PGBD5: variants seen among roughly 807,000 people sequenced by gnomAD.
PGBD5 encodes piggyBac transposable element derived 5.
In PGBD5, 14 loss-of-function variants were observed where a neutral mutation model predicts 47.9. The ratio of observed to expected loss-of-function variants is 0.29; its 90% CI spans 0.19 to 0.46. The LOEUF is 0.46. PGBD5 is among the 20% of genes least tolerant of loss of function. The pLI, the probability that PGBD5 is intolerant of heterozygous loss-of-function variation, is 1.00. For synonymous variants in PGBD5, 316 were observed against 306.3 expected (o/e 1.03, Z -0.33); for missense variants, 635 against 716.0 (o/e 0.89, Z 1.29).
rs1211461850 is a variant in PGBD5 at position 230,335,624 on chromosome 1, TACACAC to T, written c.1075+1478_1075+1483del. ...ATACAGACACAGACACACACACAGGTACACACACAGACACAAACACAGACGCACAAA... is the reference window on the plus strand; with the variant it reads ...ATACAGACACAGACACACACACAGGTACAGACACAAACACAGACGCACAAA... On this transcript the variant is annotated intron_variant, in intron 4 of 6. Coordinates refer to ENST00000391860, the MANE Select transcript of PGBD5 (RefSeq NM_001258311.2). Among the ~76,000 whole-genome samples the T allele has an allele frequency of 1.5e-3, 105 of 69,612 alleles. 5 individuals are homozygous for T. Among genetic ancestry groups the T allele is most frequent in the African/African-American group, 4.6e-3 (103 of 22,484 alleles). The allele number at this position is 69,612 out of a possible 152,430, so 45.7% of individuals were successfully genotyped here.
intron 3 of PGBD5, among the ~76,000 whole-genome samples, chr1:230,341,075 A>G (rs1211294677): frequency 2.0e-5 from 3 of 152,220 alleles, no homozygotes; most frequent in African/African-American, 7.2e-5. Flanking sequence ...GCAGCCAAGA[A>G]GTGGCACCAA....
intron 1 of PGBD5, among the ~76,000 whole-genome samples, chr1:230,376,458 T>C (rs994882667): frequency 6.6e-6 from 1 of 152,138 alleles, no homozygotes; most frequent in African/African-American, 2.4e-5. Flanking sequence ...CTGAGTGGAT[T>C]CTGGCACCAA....
chr1:230,387,339 C>T (rs1416988504), intron 1 of PGBD5, among the ~76,000 whole-genome samples: 1 of 152,204 alleles, frequency 6.6e-6, no homozygotes, highest in Non-Finnish European at 1.5e-5. Flanking sequence ...TCTCCTGACC[C>T]TGATTCAATT....
chr1:230,367,880 A>G (rs1003783724), intron 1 of PGBD5: 30 of 1,302,560 alleles, frequency 2.3e-5, no homozygotes, highest in African/African-American at 6.1e-5. Flanking sequence ...CAGGGCTACC[A>G]GACTCCCGCT....
chr1:230,377,038 T>C (rs7544508), intron 1 of PGBD5, among the ~76,000 whole-genome samples: 12,669 of 152,182 alleles, frequency 0.083, 1,752 homozygotes, highest in African/African-American at 0.29. Context: ...AGGGCACTTC[T>C]CTGGGCATAG....
At position 230,371,207 on chromosome 1, in the gene PGBD5, T is replaced by A. The variant is rs971810001; in HGVS notation, c.332-13886A>T. On this transcript the variant is annotated intron_variant, in intron 1 of 6. Transcript: ENST00000391860. ...CAAAAGCTATTCTAATTTTGCCCCA[T>A]CTTATGGCAATTCTATTTTTTTTCT... Among the ~76,000 whole-genome samples, 48 of 152,188 alleles carry A rather than the reference T, an allele frequency of 3.2e-4. 1 individual carries two copies. The highest frequency in any genetic ancestry group is 1.2e-3 in the African/African-American group (48 of 41,446).
intron 2 of PGBD5, among the ~76,000 whole-genome samples, chr1:230,355,738 C>T (rs1667629682): frequency 6.6e-6 from 1 of 152,158 alleles, no homozygotes; most frequent in Admixed American, 6.5e-5. Context: ...CTTACACTGG[C>T]CCTGGAGACT....
intron 1 of PGBD5, among the ~76,000 whole-genome samples, chr1:230,375,346 CA>C (rs1308249327): frequency 2.0e-5 from 3 of 152,172 alleles, no homozygotes; most frequent in African/African-American, 7.2e-5. Context: ...AAAACACAAG[CA>C]AGGTCCCTGA....
chr1:230,423,961 C>T (rs975089766), intron 1 of PGBD5, among the ~76,000 whole-genome samples: 3 of 152,190 alleles, frequency 2.0e-5, no homozygotes, highest in African/African-American at 7.2e-5. Flanking sequence ...TTCAAGGTTA[C>T]TAAGAAATAT....
At chr1:230,370,691 T>G (rs1425096526) in intron 1 of PGBD5, among the ~76,000 whole-genome samples, 1 of 152,234 alleles carries the variant, frequency 6.6e-6, no homozygotes, top group African/African-American at 2.4e-5. Context: ...ATAGCCCAGA[T>G]GGTCCAGCTC....
intron 2 of PGBD5, among the ~76,000 whole-genome samples, chr1:230,354,354 G>A (rs1319750758): frequency 6.6e-6 from 1 of 152,080 alleles, no homozygotes; most frequent in African/African-American, 2.4e-5. Context: ...TGCAGACCCT[G>A]AGCTGAGGCC....
At position 230,333,116 on chromosome 1, in the gene PGBD5, C is replaced by T. The variant is rs2102815772; in HGVS notation, c.1076-75G>A. The T allele has an allele frequency of 2.7e-6, 4 of 1,478,432 alleles. No homozygotes were observed. In the South Asian group the frequency reaches 5.2e-5, roughly 19 times the overall value. The allele number at this position is 1,478,432 out of a possible 1,614,324, so 91.6% of individuals were successfully genotyped here. ...CGGCGGCTCCTCCGCCCTGGGCACC[C>T]CCAAGGAAAGGACGGGACTGCCCGG... On this transcript the variant is annotated intron_variant, in intron 4 of 6. Transcript: ENST00000391860.
chr1:230,385,714 A>G (rs1353012452), intron 1 of PGBD5, among the ~76,000 whole-genome samples: 1 of 152,214 alleles, frequency 6.6e-6, no homozygotes, highest in Non-Finnish European at 1.5e-5. Flanking sequence ...GAGTGTGTGT[A>G]TATTTTACAT....
chr1:230,404,611 CAAAA>C (rs747306411), intron 1 of PGBD5, among the ~76,000 whole-genome samples: 43 of 100,342 alleles, frequency 4.3e-4, no homozygotes, highest in South Asian at 1.7e-3. Context: ...AGTCTTGTCT[CAAAA>C]AAAAAAAAAA....
intron 2 of PGBD5, among the ~76,000 whole-genome samples, chr1:230,352,778 T>C (rs968997865): frequency 2.6e-5 from 4 of 152,044 alleles, no homozygotes; most frequent in Non-Finnish European, 5.9e-5. Context: ...ACTATTCAAG[T>C]GCAATGAACA....
At chr1:230,371,025 T>C (rs1187484148) in intron 1 of PGBD5, among the ~76,000 whole-genome samples, 1 of 152,090 alleles carries the variant, frequency 6.6e-6, no homozygotes, top group Admixed American at 6.5e-5. Context: ...TCATAGACCC[T>C]CTCCAGAGGG....
chr1:230,325,271 AT>A, intron 6 of PGBD5, 38 bp downstream of exon 6: 1 of 1,442,076 alleles, frequency 6.9e-7, no homozygotes, highest in Non-Finnish European at 9.7e-7. Context: ...CGGCACAACT[AT>A]GAGAGCCCTT....
chr1:230,336,526 A>G (rs997294599), intron 4 of PGBD5, among the ~76,000 whole-genome samples: 3 of 152,216 alleles, frequency 2.0e-5, no homozygotes, highest in African/African-American at 7.2e-5. Context: ...AGGCCAGGGC[A>G]GCTTGCCACA....
intron 1 of PGBD5, among the ~76,000 whole-genome samples, chr1:230,363,727 T>C (rs1216313520): frequency 6.6e-6 from 1 of 152,174 alleles, no homozygotes; most frequent in African/African-American, 2.4e-5. Context: ...GTGATATAGA[T>C]AGAATCAATT....
Sources: allele counts gnomAD v4.1 joint callset (sites outside exome capture counted in the v4.1 genomes callset), GRCh38; gene constraint gnomAD v4.1.1; transcripts MANE v1.5; gene names NCBI Gene and HGNC (gene_info 2026-07-23, HGNC 2026-07-21).